B3GNT7: variants seen among roughly 807,000 people sequenced by gnomAD.
B3GNT7 encodes the protein BGnT-7.
A neutral mutation model predicts 5.1 loss-of-function variants in B3GNT7; 9 were observed. That is an observed-to-expected ratio of 1.77 (90% CI 1.07 to 3.09). The LOEUF (loss-of-function observed/expected upper bound fraction) is 3.09, where lower values mean the gene tolerates loss of function less well. Ranked by LOEUF, B3GNT7 falls within the 30% of genes most tolerant of loss-of-function variation. The pLI is 0.00. For synonymous variants in B3GNT7, 253 were observed against 248.6 expected, an observed-to-expected ratio of 1.02 and a Z score of -0.17; for missense variants, 468 against 550.8, an observed-to-expected ratio of 0.85 and a Z score of 1.50.
Position 231,398,132 on chromosome 2 carries a change from TG to T in B3GNT7, c.415del (p.Val139LeufsTer77). ...TGCAGGGGCGATGTCTACCTGCTGG[TG>T]GTTGTCAAGTCGGTCATCACGCAGC... ...EKCRGDVYLL[V>X]VVKSVITQHD... On this transcript the variant is annotated frameshift_variant, in exon 2 of 2. Coordinates refer to ENST00000287590, the MANE Select transcript of B3GNT7 (RefSeq NM_145236.3). LOFTEE classifies it low-confidence loss of function (END_TRUNC). 6.2e-7 allele frequency: 1 copy of T among 1,604,110 alleles called. No individual in the cohort carries two copies. Among genetic ancestry groups the T allele is most frequent in the Non-Finnish European group, 8.5e-7 (1 of 1,174,378 alleles).
chr2:231,400,778 A>G lies in B3GNT7; in HGVS notation c.*1853A>G, dbSNP rs1209615233. On this transcript the variant is annotated 3_prime_UTR_variant, in exon 2 of 2. Transcript: ENST00000287590. ...TTCTCCCCAACCTCCCCTTTTCCCTAGTTTATAAGACAGGAGAAAAGGGAG... is the reference window on the plus strand; with the variant it reads ...TTCTCCCCAACCTCCCCTTTTCCCTGGTTTATAAGACAGGAGAAAAGGGAG... 6.6e-6 allele frequency: 1 copy of G among 152,188 alleles called. No homozygotes were observed. Among genetic ancestry groups the G allele is most frequent in the African/African-American group, 2.4e-5 (1 of 41,436 alleles). 9.4% of individuals were successfully genotyped at this position (152,188 alleles called of 1,614,324 possible). A position where few individuals can be genotyped will look rare whatever the true frequency, so the allele number is the denominator to read the frequency against.
At position 231,398,496 on chromosome 2, in the gene B3GNT7, A is replaced by T; in HGVS notation, c.777A>T (p.Pro259=). 1.2e-6 allele frequency: 2 copies of T among 1,613,704 alleles called. No individual in the cohort carries two copies. Among genetic ancestry groups the T allele is most frequent in the East Asian group, 2.2e-5 (1 of 44,890 alleles). The change falls in exon 2 of 2, where the codon CCA becomes CCT. Residue 259 remains proline, a synonymous_variant. Transcript: ENST00000287590. ...NLLEFLADRQ[P]QENLFVGDVL... ...TAGAATTTCTGGCTGACCGGCAGCC[A>T]CAGGAAAACCTGTTCGTGGGCGATG... is the stretch of plus-strand genomic sequence containing the variant.
chr2:231,396,678 T>G (rs2046517718), intron 1 of B3GNT7, among the ~76,000 whole-genome samples: 1 of 152,192 alleles, frequency 6.6e-6, no homozygotes, highest in African/African-American at 2.4e-5. Flanking sequence ...TCTGCTAGGC[T>G]GGCCCTGGAA....
chr2:231,395,780 T>C lies in B3GNT7; in HGVS notation c.-24T>C. ...CCCAGAGCTGCGAGCCGCTCGCCCC[T>C]CCGCCGCTCCGGCCCGGGCCGCCAT... On this transcript the variant is annotated 5_prime_UTR_variant, in exon 1 of 2. Transcript: ENST00000287590. This position sits in a 1 kb window ranked among gnomAD's most constrained non-coding sequence, Gnocchi z 7.3. 8.6e-7 allele frequency: 1 copy of C among 1,164,732 alleles called. No individual in the cohort carries two copies. The allele number at this position is 1,164,732 out of a possible 1,614,324, so 72.1% of individuals were successfully genotyped here.
In B3GNT7 at chr2:231,399,065, G is replaced by C. The variant is rs2046542505; in HGVS notation, c.*140G>C. ...TTGAGGCCTACGTGCCACTGGGTGT[G>C]GTGGGGTGCAGGTAGCCAGAAAGGG... On this transcript the variant is annotated 3_prime_UTR_variant, in exon 2 of 2. Transcript: ENST00000287590. 1 of 732,850 alleles carries C rather than the reference G, an allele frequency of 1.4e-6. No individual in the cohort carries two copies. Among genetic ancestry groups the C allele is most frequent in the Non-Finnish European group, 2.2e-6 (1 of 458,558 alleles). The allele number at this position is 732,850 out of a possible 1,614,324, so 45.4% of individuals were successfully genotyped here.
rs746635662 is a variant in B3GNT7 at position 231,398,197 on chromosome 2, G to A, written c.478G>A (p.Glu160Lys). Residue 160 changes from glutamate (E) to lysine (K), a missense_variant, in exon 2 of 2, where the codon GAG (glutamate) becomes AAG (lysine). Glu to Lys is a moderately conservative substitution (Grantham distance 56). Transcript: ENST00000287590. ...REAIRQTWGRERQSAGGGRGA... is the reference protein window; with the variant it reads ...REAIRQTWGRKRQSAGGGRGA... ...GGCCATCCGCCAGACCTGGGGCCGC[G>A]AGCGGCAGTCCGCGGGTGGGGGCCG... 1.9e-6 allele frequency: 3 copies of A among 1,592,460 alleles called. No individual in the cohort carries two copies. Among genetic ancestry groups the A allele is most frequent in the South Asian group, 1.1e-5 (1 of 88,106 alleles).
chr2:231,395,845 G>A lies in B3GNT7; in HGVS notation c.11+31G>A, dbSNP rs1170725944. The A allele has an allele frequency of 1.7e-6, 2 of 1,154,706 alleles. No individual in the cohort carries two copies. Among genetic ancestry groups the A allele is most frequent in the East Asian group, 4.0e-5 (1 of 25,116 alleles). The allele number at this position is 1,154,706 out of a possible 1,614,324, so 71.5% of individuals were successfully genotyped here. On this transcript the variant is annotated intron_variant, in intron 1 of 1. Transcript: ENST00000287590. This position sits in a 1 kb window ranked among gnomAD's most constrained non-coding sequence, Gnocchi z 7.3. ...TGGGGCTGGGGGCCGTCGGGGGCCTGGGCGGGGGCGTGGGCCCGGGGCTCC... is the reference window on the plus strand; with the variant it reads ...TGGGGCTGGGGGCCGTCGGGGGCCTAGGCGGGGGCGTGGGCCCGGGGCTCC...
chr2:231,398,850 GC>G lies in B3GNT7; in HGVS notation c.1136del (p.Pro379LeufsTer38). The stretch of plus-strand genomic sequence containing the variant: ...CCATGCTCGTGGTGCACAAGCTGCT[GC>G]CCCCTGAGCTGCTCGCCATGTGGGG... Reference protein sequence around the residue: ...RAMLVVHKLLPPELLAMWGLV... With the variant: ...RAMLVVHKLLXPELLAMWGLV... On this transcript the variant is annotated frameshift_variant, in exon 2 of 2. Coordinates refer to ENST00000287590, the MANE Select transcript of B3GNT7 (RefSeq NM_145236.3). LOFTEE classifies it high-confidence loss of function. The G allele has an allele frequency of 1.2e-6, 2 of 1,600,700 alleles. No homozygotes were observed.
rs1306286195 is a variant in B3GNT7, at chr2:231,398,860, C to A, written c.1141C>A (p.Leu381Met). 2 of 1,599,588 alleles carry A rather than the reference C, an allele frequency of 1.3e-6. No homozygotes were observed. Among genetic ancestry groups the A allele is most frequent in the Non-Finnish European group, 8.5e-7 (1 of 1,179,360 alleles). ...GGTGCACAAGCTGCTGCCCCCTGAG[C>A]TGCTCGCCATGTGGGGGCTGGTGCA... ...LVVHKLLPPE[L>M]LAMWGLVHSN... The change falls in exon 2 of 2, where the codon CTG becomes ATG. Residue 381 changes from leucine to methionine, a missense_variant. By Grantham distance (15) the Leu-to-Met change is conservative. Transcript: ENST00000287590.
chr2:231,395,905 C>T lies in B3GNT7; in HGVS notation c.11+91C>T. 8 of 925,542 alleles carry T rather than the reference C, an allele frequency of 8.6e-6. 1 individual carries two copies. The highest frequency in any genetic ancestry group is 9.5e-6 in the Non-Finnish European group (7 of 734,038). The allele number at this position is 925,542 out of a possible 1,614,324, so 57.3% of individuals were successfully genotyped here. On this transcript the variant is annotated intron_variant, in intron 1 of 1. Transcript: ENST00000287590. This position sits in a 1 kb window ranked among gnomAD's most constrained non-coding sequence, Gnocchi z 7.3. The stretch of plus-strand genomic sequence containing the variant: ...GTGGCCACAGACGGGCGCCGGGACT[C>T]CCGGGATAGGAGATGCCCCCGCGCG...
Position 231,395,728 on chromosome 2 carries a change from G to A in B3GNT7, c.-76G>A. ...GCCCGGTCTCCGTCCCCACCCGCCC[G>A]CCGTCCCGCCGGCCCGAGCCGTGGC... On this transcript the variant is annotated 5_prime_UTR_variant, in exon 1 of 2. Transcript: ENST00000287590. The surrounding 1 kb of genome is among the most constrained non-coding windows in gnomAD (Gnocchi z 7.3). The A allele has an allele frequency of 8.8e-7, 1 of 1,141,642 alleles. No individual in the cohort carries two copies. Among genetic ancestry groups the A allele is most frequent in the Non-Finnish European group, 1.1e-6 (1 of 930,440 alleles). The allele number at this position is 1,141,642 out of a possible 1,614,324, so 70.7% of individuals were successfully genotyped here. A position where few individuals can be genotyped will look rare whatever the true frequency, so the allele number is the denominator to read the frequency against.
In B3GNT7 at chr2:231,399,548, G is replaced by A. The variant is rs2046546204; in HGVS notation, c.*623G>A. On this transcript the variant is annotated 3_prime_UTR_variant, in exon 2 of 2. Coordinates refer to ENST00000287590, the MANE Select transcript of B3GNT7 (RefSeq NM_145236.3). ...GGCTGTGTCCTGTAAGGTCTGGAAGGGCGACCGCTCTGACTACCTCAGCGC... is the reference window on the plus strand; with the variant it reads ...GGCTGTGTCCTGTAAGGTCTGGAAGAGCGACCGCTCTGACTACCTCAGCGC... The A allele has an allele frequency of 6.5e-6, 1 of 153,122 alleles. No individual in the cohort carries two copies. Among genetic ancestry groups the A allele is most frequent in the Admixed American group, 6.5e-5 (1 of 15,356 alleles). The allele number at this position is 153,122 out of a possible 1,614,324, so 9.5% of individuals were successfully genotyped here. A position where few individuals can be genotyped will look rare whatever the true frequency, so the allele number is the denominator to read the frequency against.
chr2:231,397,531 G>A (rs1447996247), intron 1 of B3GNT7, among the ~76,000 whole-genome samples, 200 bp from the exon 2 acceptor site: 1 of 152,172 alleles, frequency 6.6e-6, no homozygotes, highest in Non-Finnish European at 1.5e-5. Context: ...GCTCCTTGAG[G>A]AGAGGGCAGG....
rs1394520074 is a variant in B3GNT7, at chr2:231,401,051, C to A, written c.*2126C>A. 6.6e-6 allele frequency: 1 copy of A among 152,196 alleles called. No individual in the cohort carries two copies. Among genetic ancestry groups the A allele is most frequent in the Non-Finnish European group, 1.5e-5 (1 of 68,044 alleles). The allele number at this position is 152,196 out of a possible 1,614,324, so 9.4% of individuals were successfully genotyped here. A position where few individuals can be genotyped will look rare whatever the true frequency, so the allele number is the denominator to read the frequency against. ...CTATTATGACCCTTTCACGTGGACC[C>A]CTTAGAGTTGTAAGCTCTTAAAAGG... On this transcript the variant is annotated 3_prime_UTR_variant, in exon 2 of 2. Transcript: ENST00000287590.
chr2:231,398,196 C>T lies in B3GNT7; in HGVS notation c.477C>T (p.Arg159=), dbSNP rs758711644. 14 of 1,591,530 alleles carry T rather than the reference C, an allele frequency of 8.8e-6. No homozygotes were observed. The highest frequency in any genetic ancestry group is 4.5e-5 in the East Asian group (2 of 44,628). ...RREAIRQTWG[R]ERQSAGGGRG... ...AGGCCATCCGCCAGACCTGGGGCCGCGAGCGGCAGTCCGCGGGTGGGGGCC... is the reference window on the plus strand; with the variant it reads ...AGGCCATCCGCCAGACCTGGGGCCGTGAGCGGCAGTCCGCGGGTGGGGGCC... Residue 159 remains arginine, a synonymous_variant, in exon 2 of 2, where the codon CGC becomes CGT. Transcript: ENST00000287590.
At position 231,397,899 on chromosome 2, in the gene B3GNT7, C is replaced by T; in HGVS notation, c.180C>T (p.Asn60=). ...ATGGACAGCTGGTGAACCCCAACAA[C>T]TTCTGGAAGAACCCGAAAGATGTGG... The part of the protein sequence containing the change: ...KPNGQLVNPN[N]FWKNPKDVAA... Residue 60 remains asparagine, a synonymous_variant, in exon 2 of 2, where the codon AAC becomes AAT. Transcript: ENST00000287590. 1.2e-6 allele frequency: 2 copies of T among 1,613,838 alleles called. No homozygotes were observed. Among genetic ancestry groups the T allele is most frequent in the Admixed American group, 1.7e-5 (1 of 60,026 alleles).
chr2:231,396,825 G>A (rs1575237185), intron 1 of B3GNT7, among the ~76,000 whole-genome samples: 1 of 152,152 alleles, frequency 6.6e-6, no homozygotes, highest in East Asian at 1.9e-4. Flanking sequence ...CCAGGGCTTG[G>A]GACGACCAGC....
chr2:231,398,757 C>T lies in B3GNT7; in HGVS notation c.1038C>T (p.Gly346=), dbSNP rs1450171114. The T allele has an allele frequency of 6.2e-7, 1 of 1,609,668 alleles. No individual in the cohort carries two copies. The highest frequency in any genetic ancestry group is 1.7e-5 in the Admixed American group (1 of 60,032). ...GCGTGCAGCCCACGGCCCACGAGGG[C>T]TTCAAGACTTTCGGCATCTCCCGGA... ...VLGVQPTAHE[G]FKTFGISRNR... Residue 346 remains glycine, a synonymous_variant, in exon 2 of 2, where the codon GGC becomes GGT. Coordinates refer to ENST00000287590, the MANE Select transcript of B3GNT7 (RefSeq NM_145236.3).
intron 1 of B3GNT7, among the ~76,000 whole-genome samples, chr2:231,396,447 C>G (rs937892183): frequency 6.6e-6 from 1 of 152,202 alleles, no homozygotes; most frequent in South Asian, 2.1e-4. Flanking sequence ...TGGGTCACAC[C>G]CCCCAGCCTG....
Sources: allele counts gnomAD v4.1 joint callset (sites outside exome capture counted in the v4.1 genomes callset), GRCh38; gene constraint gnomAD v4.1.1; non-coding constraint Gnocchi (gnomAD v3.1); transcripts MANE v1.5; gene names NCBI Gene and HGNC (gene_info 2026-07-23, HGNC 2026-07-21).